The following GDI2 variants were observed in gnomAD, a reference collection of about 807,000 sequenced individuals.
GDI2 encodes GDP dissociation inhibitor 2.
Under a neutral mutation model 54.2 loss-of-function variants are expected in GDI2, and 22 were observed. That is an observed-to-expected ratio of 0.41 (90% confidence interval 0.29 to 0.58). The LOEUF is 0.58. Ranked by LOEUF, GDI2 falls within the 20% of genes least tolerant of loss-of-function variation. The pLI is 0.35. For synonymous variants in GDI2, 177 were observed against 182.1 expected (o/e 0.97, Z 0.23); for missense variants, 422 against 546.0 (o/e 0.77, Z 2.26).
At chr10:5,771,962 T>C (rs1840498312) in intron 7 of GDI2, among the ~76,000 whole-genome samples, 1 of 151,826 alleles carries the variant, frequency 6.6e-6, no homozygotes. Context: ...TGGTGGCACA[T>C]GCCTGTAGTC....
At chr10:5,785,771 G>A (rs369925976) in intron 5 of GDI2, 81 bp downstream of exon 5, 2 of 855,522 alleles carry the variant, frequency 2.3e-6, no homozygotes, top group African/African-American at 3.4e-5. Context: ...TATTTGTTTT[G>A]TTAGAATTTC....
intron 2 of GDI2, among the ~76,000 whole-genome samples, chr10:5,797,264 G>A (rs940215532): frequency 1.3e-5 from 2 of 151,792 alleles, no homozygotes; most frequent in African/African-American, 2.4e-5. Flanking sequence ...TACAAAAATT[G>A]GCCAAGCATG....
chr10:5,779,353 C>A (rs888150189), intron 6 of GDI2, among the ~76,000 whole-genome samples: 2 of 151,708 alleles, frequency 1.3e-5, no homozygotes, highest in Non-Finnish European at 2.9e-5. Context: ...ACTAAAAATA[C>A]AAAAATCACC....
intron 6 of GDI2, among the ~76,000 whole-genome samples, chr10:5,777,396 C>T (rs60525381): frequency 0.027 from 4,051 of 152,236 alleles, 95 homozygotes; most frequent in African/African-American, 0.06. Flanking sequence ...TCGCTTGAAC[C>T]CAGGAGGCGG....
chr10:5,801,200 G>A lies in GDI2; in HGVS notation c.46-495C>T, dbSNP rs539801331. 4.3e-4 allele frequency among the ~76,000 whole-genome samples: 66 copies of A among 152,038 alleles called. 1 individual carries two copies. The South Asian group carries it at 0.013, about 29-fold the overall frequency. ...ACTCCTGACCTCAGGTGATCCTCCC[G>A]CCTCAGCCTCCCAAAGTGCTGGGAT... is the stretch of plus-strand genomic sequence containing the variant. On this transcript the variant is annotated intron_variant, in intron 1 of 10. Coordinates refer to ENST00000380191, the MANE Select transcript of GDI2 (RefSeq NM_001494.4).
chr10:5,800,889 G>A (rs1438565381), intron 1 of GDI2, among the ~76,000 whole-genome samples, 184 bp from the exon 2 acceptor site: 2 of 151,984 alleles, frequency 1.3e-5, no homozygotes, highest in Non-Finnish European at 2.9e-5. Context: ...GGGCTCCTAT[G>A]CATCCCAAGA....
rs1325336808 is a variant in GDI2, at chr10:5,794,185, AAAAATATATATATATATAT to A, written c.388+681_388+699del. On this transcript the variant is annotated intron_variant, in intron 4 of 10. Coordinates refer to ENST00000380191, the MANE Select transcript of GDI2 (RefSeq NM_001494.4). ...CTGTCTTTAAAAGAAAAAAAAAAAA[AAAAATATATATATATATAT>A]ATATATATATATATATATATATATA... Among the ~76,000 whole-genome samples the A allele has an allele frequency of 7.0e-3, 327 of 46,870 alleles. 22 individuals carry two copies. The highest frequency in any genetic ancestry group is 0.011 in the Non-Finnish European group (273 of 25,184). 30.7% of individuals were successfully genotyped at this position (46,870 alleles called of 152,430 possible).
chr10:5,805,616 G>A (rs1329109874), intron 1 of GDI2, among the ~76,000 whole-genome samples: 2 of 152,156 alleles, frequency 1.3e-5, no homozygotes, highest in Non-Finnish European at 2.9e-5. Flanking sequence ...AGCAAGGTTT[G>A]CTCAAGCAAT....
intron 1 of GDI2, among the ~76,000 whole-genome samples, chr10:5,801,350 T>C (rs1023063563): frequency 1.3e-5 from 2 of 152,228 alleles, no homozygotes; most frequent in Admixed American, 6.5e-5. Flanking sequence ...TAGTCATCAT[T>C]ACAGTCTTCA....
At chr10:5,804,807 A>C (rs752681777) in intron 1 of GDI2, among the ~76,000 whole-genome samples, 37 of 151,408 alleles carry the variant, frequency 2.4e-4, no homozygotes, top group Non-Finnish European at 4.9e-4. Context: ...ACGTCTACAT[A>C]ACCTAAAATA....
rs1376885667 is a variant in GDI2 at position 5,785,241 on chromosome 10, T to C, written c.620A>G (p.Asn207Ser). ...AGATTCACTGTAAAGTTTAATTCTA[T>C]TAATGGTTTCATAACACGGTTGATC... ...YLDQPCYETI[N>S]RIKLYSESLA... is the part of the protein sequence containing the mutation. The change falls in exon 6 of 11, where the codon AAT becomes AGT. Residue 207 changes from asparagine (N) to serine (S), a missense_variant. Transcript: ENST00000380191. 1.2e-6 allele frequency: 2 copies of C among 1,602,866 alleles called. No homozygotes were observed. Among genetic ancestry groups the C allele is most frequent in the African/African-American group, 2.7e-5 (2 of 74,800 alleles).
At chr10:5,811,575 C>T (rs535695064) in intron 1 of GDI2, among the ~76,000 whole-genome samples, 50 of 151,424 alleles carry the variant, frequency 3.3e-4, no homozygotes, top group African/African-American at 1.2e-3. Context: ...TCTTAAAACA[C>T]GCTGGCAGCA....
chr10:5,775,769 G>A (rs537399937), intron 6 of GDI2, among the ~76,000 whole-genome samples: 5 of 152,300 alleles, frequency 3.3e-5, no homozygotes, highest in Non-Finnish European at 7.3e-5. Flanking sequence ...ATGTTCAAAG[G>A]AGCTTGCTTA....
Position 5,776,503 on chromosome 10 carries a change from C to G in GDI2, c.720-2562G>C. On this transcript the variant is annotated intron_variant, in intron 6 of 10. Coordinates refer to ENST00000380191, the MANE Select transcript of GDI2 (RefSeq NM_001494.4). This position sits in a 1 kb window ranked among gnomAD's most constrained non-coding sequence, Gnocchi z 5.3. ...GAGCCATGTATTAGAAGCAAAGGCCCGAAAGATAAAACAATTATAGAGAAG... is the reference window on the plus strand; with the variant it reads ...GAGCCATGTATTAGAAGCAAAGGCCGGAAAGATAAAACAATTATAGAGAAG... 1 of 1,329,048 alleles carries G rather than the reference C, an allele frequency of 7.5e-7. No homozygotes were observed. Among genetic ancestry groups the G allele is most frequent in the Non-Finnish European group, 1.1e-6 (1 of 924,992 alleles). The allele number at this position is 1,329,048 out of a possible 1,614,324, so 82.3% of individuals were successfully genotyped here.
In GDI2 at chr10:5,765,998, T is replaced by C; in HGVS notation, c.*8A>G. On this transcript the variant is annotated 3_prime_UTR_variant, in exon 11 of 11. Coordinates refer to ENST00000380191, the MANE Select transcript of GDI2 (RefSeq NM_001494.4). ...TGTGTCCTAATTACATAATAACATG[T>C]ACTGCTGTTAGTCTTCCCCATAGAT... The C allele has an allele frequency of 6.4e-7, 1 of 1,569,436 alleles. No individual in the cohort carries two copies. Among genetic ancestry groups the C allele is most frequent in the Non-Finnish European group, 8.6e-7 (1 of 1,163,820 alleles).
At chr10:5,807,593 GTATGACAC>G (rs1841402114) in intron 1 of GDI2, among the ~76,000 whole-genome samples, 1 of 152,214 alleles carries the variant, frequency 6.6e-6, no homozygotes, top group African/African-American at 2.4e-5. Context: ...TCCAAGTTCT[GTATGACAC>G]TAGCATCTGC....
chr10:5,783,010 T>C (rs1311332787), intron 6 of GDI2, among the ~76,000 whole-genome samples: 1 of 152,166 alleles, frequency 6.6e-6, no homozygotes, highest in South Asian at 2.1e-4. Context: ...TGAGAACATA[T>C]TGTATTATTC....
rs1419908400 is a variant in GDI2, at chr10:5,806,581, A to G, written c.46-5876T>C. ...TTTATTAGTTACATGTACTGCAATTATCTTCTTCCATTCTGTGGCCTGCCT... is the reference window on the plus strand; with the variant it reads ...TTTATTAGTTACATGTACTGCAATTGTCTTCTTCCATTCTGTGGCCTGCCT... On this transcript the variant is annotated intron_variant, in intron 1 of 10. Coordinates refer to ENST00000380191, the MANE Select transcript of GDI2 (RefSeq NM_001494.4). Among the ~76,000 whole-genome samples the G allele has an allele frequency of 3.3e-5, 5 of 152,208 alleles. No individual in the cohort carries two copies. The East Asian group carries it at 9.6e-4, about 29-fold the overall frequency.
At chr10:5,796,342 C>G (rs1417318794) in intron 3 of GDI2, among the ~76,000 whole-genome samples, 1 of 93,046 alleles carries the variant, frequency 1.1e-5, no homozygotes, top group Non-Finnish European at 2.6e-5. Context: ...GAGCGAGACT[C>G]CGTCTCAAAA....
Sources: gnomAD v4.1 joint callset for allele counts (sites outside exome capture counted in the v4.1 genomes callset) on GRCh38, gnomAD v4.1.1 for gene constraint, Gnocchi (gnomAD v3.1) non-coding constraint, MANE v1.5 for transcripts, NCBI Gene and HGNC (gene_info 2026-07-23, HGNC 2026-07-21) for gene names.